The following DOCK9 variants were observed in gnomAD, a reference collection of about 807,000 sequenced individuals.
The protein encoded by DOCK9 is dedicator of cytokinesis protein 9.
Under a neutral mutation model 263.3 loss-of-function variants are expected in DOCK9, and 89 were observed. The observed-to-expected ratio is 0.34, with a 90% CI of 0.28 to 0.40. DOCK9 has a LOEUF of 0.40. DOCK9 is among the 10% of genes least tolerant of loss of function. DOCK9 has a pLI of 1.00. For missense variants in DOCK9, 2,140 were observed against 2,603.4 expected, an observed-to-expected ratio of 0.82 and a Z score of 3.87; for synonymous variants, 976 against 973.1, an observed-to-expected ratio of 1.00 and a Z score of -0.06.
intron 1 of DOCK9, among the ~76,000 whole-genome samples, chr13:99,011,257 C>T (rs1175096477): frequency 6.6e-6 from 1 of 151,948 alleles, no homozygotes; most frequent in Non-Finnish European, 1.5e-5. Context: ...TACATATATA[C>T]ATAATAAAAT....
intron 1 of DOCK9, among the ~76,000 whole-genome samples, chr13:99,041,320 C>CA (rs1378127833): frequency 9.2e-5 from 14 of 151,996 alleles, no homozygotes; most frequent in Non-Finnish European, 1.6e-4. Context: ...CCTTTCTCTA[C>CA]AAAAAATAGA....
Position 98,946,299 on chromosome 13 carries a change from C to T in DOCK9, c.243+9136G>A, listed in dbSNP as rs986030444. Among the ~76,000 whole-genome samples the T allele has an allele frequency of 1.5e-4, 23 of 152,212 alleles. 1 individual carries two copies. The Middle Eastern group carries it at 0.014, about 90-fold the overall frequency. On this transcript the variant is annotated intron_variant, in intron 2 of 52. Transcript: ENST00000682017. ...CCCAGAAGACTTGAGAGGAGTCTCT[C>T]GCATTAATCCAGGTAAGAGGGACAG...
intron 1 of DOCK9, among the ~76,000 whole-genome samples, chr13:98,974,033 A>G (rs951581189): frequency 2.0e-5 from 3 of 152,186 alleles, no homozygotes; most frequent in African/African-American, 4.8e-5. Flanking sequence ...AAGGAACCCA[A>G]TGAAAGGGCT....
At chr13:98,885,163 A>G (rs2142890413) in intron 20 of DOCK9, 71 bp from the exon 21 acceptor site, 4 of 1,570,418 alleles carry the variant, frequency 2.5e-6, no homozygotes, top group South Asian at 2.4e-5. Flanking sequence ...AAGCAAGCCA[A>G]TGTAAAACCG....
At chr13:99,040,359 AAC>A (rs772608975) in intron 1 of DOCK9, among the ~76,000 whole-genome samples, 4 of 152,208 alleles carry the variant, frequency 2.6e-5, no homozygotes, top group East Asian at 1.9e-4. Context: ...TCCTTTTTAT[AAC>A]ACAGTCAGCA....
chr13:98,930,109 A>T, intron 3 of DOCK9, 59 bp downstream of exon 3: 2 of 1,439,664 alleles, frequency 1.4e-6, no homozygotes, highest in South Asian at 2.4e-5. Flanking sequence ...TTTAAAGAAA[A>T]GGAGGCAGTT....
intron 8 of DOCK9, 59 bp downstream of exon 8, chr13:98,915,270 G>A: frequency 1.3e-6 from 2 of 1,542,296 alleles, no homozygotes; most frequent in Middle Eastern, 3.5e-4. Context: ...TACCCACCTG[G>A]CAAAAATAAA....
At chr13:98,915,173 G>A (rs951805721) in intron 8 of DOCK9, among the ~76,000 whole-genome samples, 156 bp downstream of exon 8, 5 of 152,120 alleles carry the variant, frequency 3.3e-5, no homozygotes, top group Admixed American at 2.6e-4. Flanking sequence ...GTTATAATGT[G>A]ACAAAACCTT....
chr13:98,980,989 T>C (rs1877041424), upstream of DOCK9, among the ~76,000 whole-genome samples: 1 of 152,142 alleles, frequency 6.6e-6, no homozygotes, highest in Non-Finnish European at 1.5e-5. Flanking sequence ...AAGGAAAACA[T>C]GATCAGTTCC....
chr13:98,874,490 C>T (rs1209571392), intron 27 of DOCK9, among the ~76,000 whole-genome samples: 5 of 152,194 alleles, frequency 3.3e-5, no homozygotes, highest in Admixed American at 6.5e-5. Context: ...TCTTTCATTT[C>T]TCTTCAGCAG....
rs919556228 is a variant in DOCK9, at chr13:98,969,382, T to C, written c.126+8402A>G. Among the ~76,000 whole-genome samples, 37 of 152,084 alleles carry C rather than the reference T, an allele frequency of 2.4e-4. 1 individual carries two copies. Among genetic ancestry groups the C allele is most frequent in the African/African-American group, 7.2e-4 (30 of 41,398 alleles). On this transcript the variant is annotated intron_variant, in intron 1 of 52. Coordinates refer to ENST00000682017, the MANE Select transcript of DOCK9 (RefSeq NM_001366683.2). ...GTGAATGATTTTCAGATCTAGTCTT[T>C]CCTGCAGGCCCTTTCGCAACCTTTT...
chr13:98,961,575 C>T (rs1445859874), intron 1 of DOCK9, among the ~76,000 whole-genome samples: 4 of 152,232 alleles, frequency 2.6e-5, no homozygotes, highest in Non-Finnish European at 5.9e-5. Flanking sequence ...GCCTTTGGCG[C>T]CTTGCTGCCA....
intron 38 of DOCK9, among the ~76,000 whole-genome samples, chr13:98,844,535 G>A (rs1445940973): frequency 6.6e-6 from 1 of 152,010 alleles, no homozygotes; most frequent in Non-Finnish European, 1.5e-5. Context: ...ACTAGTTTTT[G>A]TATTTTTAGT....
chr13:98,942,581 A>G (rs902951340), intron 2 of DOCK9, among the ~76,000 whole-genome samples: 3 of 152,206 alleles, frequency 2.0e-5, no homozygotes, highest in African/African-American at 7.2e-5. Context: ...TAAAAGGACC[A>G]TAATTCTGTG....
chr13:98,964,330 C>T (rs1437229643), intron 1 of DOCK9, among the ~76,000 whole-genome samples: 2 of 152,280 alleles, frequency 1.3e-5, no homozygotes, highest in Admixed American at 6.5e-5. Context: ...ATAGCAGAAG[C>T]ACTCAATAAC....
chr13:98,947,988 G>GT (rs936025431), intron 2 of DOCK9, among the ~76,000 whole-genome samples: 13 of 152,236 alleles, frequency 8.5e-5, no homozygotes, highest in Admixed American at 4.6e-4. Flanking sequence ...AGTATTGAGG[G>GT]TTTTTTTCTT....
At chr13:99,061,275 C>T (rs1166620978) in intron 1 of DOCK9, among the ~76,000 whole-genome samples, 1 of 152,152 alleles carries the variant, frequency 6.6e-6, no homozygotes, top group Admixed American at 6.5e-5. Flanking sequence ...ATGTCAAGGA[C>T]TGCTGTACAC....
intron 11 of DOCK9, 45 bp from the exon 12 acceptor site, chr13:98,902,536 G>C (rs1440601478): frequency 6.4e-7 from 1 of 1,568,638 alleles, no homozygotes. Flanking sequence ...GCTCAAACAG[G>C]GACAAAAGAA....
At chr13:99,072,762 C>T (rs1055134639) in intron 1 of DOCK9, among the ~76,000 whole-genome samples, 3 of 152,034 alleles carry the variant, frequency 2.0e-5, no homozygotes, top group Admixed American at 6.6e-5. Flanking sequence ...GCACTTGGGA[C>T]GCCGAGGCAG....
Sources: allele counts gnomAD v4.1 joint callset (sites outside exome capture counted in the v4.1 genomes callset), GRCh38; gene constraint gnomAD v4.1.1; transcripts MANE v1.5; gene names NCBI Gene and HGNC (gene_info 2026-07-23, HGNC 2026-07-21).